SENP7: variants seen among roughly 807,000 people sequenced by gnomAD.
SENP7 encodes the protein sentrin-specific protease 7.
In SENP7, 64 loss-of-function variants were observed where a neutral mutation model predicts 141.2. The ratio of observed to expected loss-of-function variants is 0.45; its 90% CI spans 0.37 to 0.56. The LOEUF is 0.56. SENP7 is among the 20% of genes least tolerant of loss of function. The pLI, the probability that SENP7 is intolerant of heterozygous loss-of-function variation, is 0.00. For synonymous variants in SENP7, 382 were observed against 426.4 expected (o/e 0.90, Z 1.28); for missense variants, 1,025 against 1,212.2 (o/e 0.85, Z 2.29).
At chr3:101,458,904 G>A in intron 4 of SENP7, 51 bp downstream of exon 4, 1 of 1,085,192 alleles carries the variant, frequency 9.2e-7, no homozygotes. Context: ...ATCATTTATG[G>A]TCAACTTTAT....
intron 4 of SENP7, among the ~76,000 whole-genome samples, chr3:101,455,195 C>T (rs1462043222): frequency 6.6e-6 from 1 of 151,928 alleles, no homozygotes; most frequent in Non-Finnish European, 1.5e-5. Context: ...TTCAGATAGC[C>T]CAGGAGAATT....
chr3:101,431,993 C>A (rs941473685), intron 4 of SENP7, among the ~76,000 whole-genome samples: 16 of 152,142 alleles, frequency 1.1e-4, no homozygotes, highest in African/African-American at 3.9e-4. Flanking sequence ...CTCTTGGGGT[C>A]CCTAATTCCA....
intron 6 of SENP7, among the ~76,000 whole-genome samples, chr3:101,375,251 G>T (rs903190297): frequency 6.6e-6 from 1 of 152,064 alleles, no homozygotes; most frequent in African/African-American, 2.4e-5. Flanking sequence ...GATATAAGAA[G>T]CTAAACACAG....
At chr3:101,396,021 A>G (rs543759177) in intron 6 of SENP7, among the ~76,000 whole-genome samples, 3 of 152,334 alleles carry the variant, frequency 2.0e-5, no homozygotes, top group African/African-American at 7.2e-5. Flanking sequence ...CTTTAAAGAC[A>G]CGGTAAGAAA....
intron 6 of SENP7, among the ~76,000 whole-genome samples, chr3:101,395,610 T>A (rs1296790077): frequency 6.6e-6 from 1 of 152,204 alleles, no homozygotes; most frequent in Non-Finnish European, 1.5e-5. Flanking sequence ...GCTTTGGCTA[T>A]TTGGGCTCTT....
rs370228070 is a variant in SENP7 at position 101,341,763 on chromosome 3, G to A, written c.2123C>T (p.Ala708Val). 1.0e-5 allele frequency: 16 copies of A among 1,602,356 alleles called. No homozygotes were observed. The highest frequency in any genetic ancestry group is 8.9e-5 in the East Asian group (4 of 44,716). ...CAGGAAGGTGTAAGTAGGCTTGGCCGCATCTGTGTTTGAGGGCTGACAGAA... is the reference window on the plus strand; with the variant it reads ...CAGGAAGGTGTAAGTAGGCTTGGCCACATCTGTGTTTGAGGGCTGACAGAA... Reference protein sequence around the residue: ...KSVSQPSNTDAAKPTYTFLQK... With the variant: ...KSVSQPSNTDVAKPTYTFLQK... The change falls in exon 15 of 24, where the codon GCG (alanine) becomes GTG (valine). Residue 708 changes from alanine to valine, a missense_variant. Physicochemically the swap from Ala to Val is moderately conservative, Grantham distance 64 (BLOSUM62 0). This residue lies in a region of SENP7 where 295 missense variants were observed against 459.1 expected (regional missense o/e 0.64). Transcript: ENST00000394095.
At chr3:101,472,597 C>A (rs372719039) in intron 3 of SENP7, among the ~76,000 whole-genome samples, 3 of 151,920 alleles carry the variant, frequency 2.0e-5, no homozygotes, top group East Asian at 3.9e-4. Flanking sequence ...ACATGTATAC[C>A]TATGTATCAA....
In SENP7 at chr3:101,398,994, T is replaced by C; in HGVS notation, c.544A>G (p.Thr182Ala). 6.2e-7 allele frequency: 1 copy of C among 1,613,472 alleles called. No individual in the cohort carries two copies. Among genetic ancestry groups the C allele is most frequent in the Non-Finnish European group, 8.5e-7 (1 of 1,179,644 alleles). Residue 182 changes from threonine (T) to alanine (A), a missense_variant, in exon 6 of 24, where the codon ACC becomes GCC. Coordinates refer to ENST00000394095, the MANE Select transcript of SENP7 (RefSeq NM_020654.5). Reference sequence around the variant, plus strand: ...AAACTTCCCTCAGTTACAGGTGGGGTCCTTATGTATTTTCTTCCTAACTCC... The same window carrying C: ...AAACTTCCCTCAGTTACAGGTGGGGCCCTTATGTATTTTCTTCCTAACTCC... ...GTELGRKYIR[T>A]PPVTEGSLSD...
At position 101,459,009 on chromosome 3, in the gene SENP7, T is replaced by C. The variant is rs184635710; in HGVS notation, c.230A>G (p.Lys77Arg). 5.6e-6 allele frequency: 9 copies of C among 1,610,270 alleles called. No homozygotes were observed. The highest frequency in any genetic ancestry group is 1.1e-5 in the South Asian group (1 of 90,748). ...ACACCCTCGGATATGTTTTTTATTTTTATGGTCTAGAGAGATGACTTTATT... is the reference window on the plus strand; with the variant it reads ...ACACCCTCGGATATGTTTTTTATTTCTATGGTCTAGAGAGATGACTTTATT... ...LRNKVISLDH[K>R]NKKHIRGCPV... The change falls in exon 4 of 24, where the codon AAA becomes AGA. Residue 77 changes from lysine to arginine, a missense_variant. By Grantham distance (26) the Lys-to-Arg change is conservative. Coordinates refer to ENST00000394095, the MANE Select transcript of SENP7 (RefSeq NM_020654.5).
chr3:101,452,420 C>A (rs1394621883), intron 4 of SENP7, among the ~76,000 whole-genome samples: 11 of 151,286 alleles, frequency 7.3e-5, no homozygotes, highest in East Asian at 3.9e-4. Context: ...AATCCTAAGC[C>A]AAAAGAACAA....
At chr3:101,437,576 G>A (rs931752578) in intron 4 of SENP7, among the ~76,000 whole-genome samples, 4 of 152,094 alleles carry the variant, frequency 2.6e-5, no homozygotes, top group Non-Finnish European at 5.9e-5. Flanking sequence ...GCTAGGCATG[G>A]TGGCATGTGC....
intron 5 of SENP7, among the ~76,000 whole-genome samples, chr3:101,407,681 G>C (rs1033170207): frequency 2.0e-5 from 3 of 152,070 alleles, no homozygotes; most frequent in Non-Finnish European, 4.4e-5. Context: ...CCTGCTCCTG[G>C]TGATCACTGG....
intron 4 of SENP7, among the ~76,000 whole-genome samples, chr3:101,441,414 A>G (rs914940965): frequency 6.6e-6 from 1 of 152,070 alleles, no homozygotes; most frequent in Non-Finnish European, 1.5e-5. Context: ...GGCCCACCCA[A>G]TCTGCTGCCA....
chr3:101,372,169 A>C, intron 6 of SENP7, 43 bp from the exon 7 acceptor site: 1 of 1,068,988 alleles, frequency 9.4e-7, no homozygotes, highest in Non-Finnish European at 1.3e-6. Context: ...AATAAAGCCC[A>C]AATGAATTTA....
At chr3:101,341,924 C>G in intron 14 of SENP7, 145 bp from the exon 15 acceptor site, 1 of 735,602 alleles carries the variant, frequency 1.4e-6, no homozygotes, top group Non-Finnish European at 2.0e-6. Context: ...TAGATATAAC[C>G]AAACCAAAAT....
At chr3:101,462,677 G>A (rs2063586198) in intron 3 of SENP7, among the ~76,000 whole-genome samples, 1 of 151,890 alleles carries the variant, frequency 6.6e-6, no homozygotes, top group Non-Finnish European at 1.5e-5. Flanking sequence ...AGACCAGCCT[G>A]GGCAACACGA....
At chr3:101,462,320 T>TCACC (rs1323535531) in intron 3 of SENP7, among the ~76,000 whole-genome samples, 1 of 152,036 alleles carries the variant, frequency 6.6e-6, no homozygotes, top group African/African-American at 2.4e-5. Flanking sequence ...GGCTGGCAGA[T>TCACC]CACCTCAGGT....
At chr3:101,337,464 G>C (rs755303851) in intron 17 of SENP7, 45 bp downstream of exon 17, 1 of 1,354,764 alleles carries the variant, frequency 7.4e-7, no homozygotes, top group Non-Finnish European at 1.0e-6. Context: ...ATCAAAAATA[G>C]TACATTTTCT....
intron 3 of SENP7, among the ~76,000 whole-genome samples, chr3:101,463,378 T>TATATATACATAC (rs1559865000): frequency 2.4e-5 from 2 of 84,410 alleles, no homozygotes; most frequent in African/African-American, 1.1e-4. Context: ...TATATATATA[T>TATATATACATAC]ATATATATAT....
Sources: allele counts gnomAD v4.1 joint callset (sites outside exome capture counted in the v4.1 genomes callset), GRCh38; gene constraint gnomAD v4.1.1; regional missense constraint gnomAD v4.1.1; transcripts MANE v1.5; gene names NCBI Gene and HGNC (gene_info 2026-07-23, HGNC 2026-07-21).